Variants in GYPE observed in about 807,000 individuals in gnomAD.
GYPE encodes the protein glycophorin-E.
GYPE carries 8 observed loss-of-function variants against 11.6 expected under a neutral mutation model. The observed-to-expected ratio is 0.69, with a 90% CI of 0.41 to 1.25. The LOEUF is 1.25. Ranked by LOEUF, GYPE falls within the 50% of genes most tolerant of loss-of-function variation. The pLI is 0.01. For missense variants in GYPE, 90 were observed against 92.8 expected, an observed-to-expected ratio of 0.97 and a Z score of 0.12; for synonymous variants, 28 against 29.6, an observed-to-expected ratio of 0.94 and a Z score of 0.18.
chr4:143,895,258 C>T (rs1381414717), intron 1 of GYPE, among the ~76,000 whole-genome samples: 3 of 152,180 alleles, frequency 2.0e-5, no homozygotes, highest in African/African-American at 7.2e-5. Context: ...TAGAAAACCC[C>T]ATTGTCTTGG....
At chr4:143,874,471 A>G (rs113536400) in intron 3 of GYPE, among the ~76,000 whole-genome samples, 2 of 152,208 alleles carry the variant, frequency 1.3e-5, no homozygotes, top group African/African-American at 4.8e-5. Context: ...AGTCACCTTG[A>G]GAGGTAATAA....
chr4:143,894,272 G>A (rs1744534904), intron 1 of GYPE, among the ~76,000 whole-genome samples: 2 of 151,926 alleles, frequency 1.3e-5, no homozygotes, highest in South Asian at 4.2e-4. Context: ...CCTGTAGCTT[G>A]GAGTAGTTTG....
chr4:143,877,190 G>GAA (rs1233775187), intron 2 of GYPE, among the ~76,000 whole-genome samples: 2 of 152,090 alleles, frequency 1.3e-5, no homozygotes, highest in Non-Finnish European at 2.9e-5. Flanking sequence ...CAGATATGGG[G>GAA]AAAAAACCAC....
intron 1 of GYPE, among the ~76,000 whole-genome samples, chr4:143,897,041 A>T (rs1247958672): frequency 6.6e-6 from 1 of 152,126 alleles, no homozygotes; most frequent in Admixed American, 6.5e-5. Flanking sequence ...TAGCATTAAG[A>T]GATATACCTA....
chr4:143,885,321 TA>T (rs776394358), intron 1 of GYPE, among the ~76,000 whole-genome samples: 1 of 152,186 alleles, frequency 6.6e-6, no homozygotes, highest in Admixed American at 6.5e-5. Context: ...AACTGTTTTA[TA>T]AAAATGAAAA....
intron 1 of GYPE, among the ~76,000 whole-genome samples, chr4:143,894,613 C>T (rs1744553763): frequency 6.6e-6 from 1 of 152,080 alleles, no homozygotes. Flanking sequence ...GAAACTATTC[C>T]AATCAATAGA....
intron 1 of GYPE, among the ~76,000 whole-genome samples, chr4:143,901,273 C>A (rs996431998): frequency 1.4e-4 from 22 of 152,220 alleles, no homozygotes; most frequent in African/African-American, 5.3e-4. Context: ...ATTGTATAGT[C>A]ATAGTCTATG....
Position 143,892,566 on chromosome 4 carries a change from T to A in GYPE, c.38-12057A>T, listed in dbSNP as rs1012316145. 9.9e-5 allele frequency among the ~76,000 whole-genome samples: 15 copies of A among 151,990 alleles called. No homozygotes were observed. In the East Asian group the frequency reaches 2.9e-3, roughly 29 times the overall value. On this transcript the variant is annotated intron_variant, in intron 1 of 3. Transcript: ENST00000358615. ...TTATTTCTGCCTTCATTTCGTTATG[T>A]ACCCAGTAGTCATTCAGGAGCAGGT... is the stretch of plus-strand genomic sequence containing the variant.
intron 1 of GYPE, among the ~76,000 whole-genome samples, chr4:143,894,154 A>G (rs12648963): frequency 0.93 from 140,859 of 151,728 alleles, 66,324 homozygotes; most frequent in East Asian, 1. Context: ...TTGGCTTTCA[A>G]CTCCATCAGC....
In GYPE at chr4:143,893,732, C is replaced by T. The variant is rs191686599; in HGVS notation, c.37+11739G>A. On this transcript the variant is annotated intron_variant, in intron 1 of 3. Transcript: ENST00000358615. ...TGGGTAACCCGACCTGTCTCTCTGG[C>T]TGCCCTTAGCATTTTTTCCTTCATT... 4.5e-3 allele frequency among the ~76,000 whole-genome samples: 683 copies of T among 152,222 alleles called. 7 individuals are homozygous for T. The highest frequency in any genetic ancestry group is 0.015 in the African/African-American group (639 of 41,520).
intron 2 of GYPE, 50 bp from the exon 3 acceptor site, chr4:143,876,905 A>G (rs1192433688): frequency 1.0e-6 from 1 of 992,842 alleles, no homozygotes; most frequent in East Asian, 2.4e-5. Context: ...GAAATAAATG[A>G]CCACATCCAA....
At chr4:143,903,806 A>T (rs1478385217) in intron 1 of GYPE, among the ~76,000 whole-genome samples, 226 of 1,376 alleles carry the variant, frequency 0.16, 1 homozygote, top group Non-Finnish European at 0.5. Flanking sequence ...TGTAGAAATT[A>T]AAAAAAAAAA....
At chr4:143,890,784 G>T (rs931081952) in intron 1 of GYPE, among the ~76,000 whole-genome samples, 2 of 152,072 alleles carry the variant, frequency 1.3e-5, no homozygotes, top group African/African-American at 4.8e-5. Flanking sequence ...CATCTTAAAT[G>T]TTGGTGTTTC....
At chr4:143,893,887 A>T (rs1013582268) in intron 1 of GYPE, among the ~76,000 whole-genome samples, 1 of 152,150 alleles carries the variant, frequency 6.6e-6, no homozygotes, top group Admixed American at 6.5e-5. Flanking sequence ...GTTCTCCTGG[A>T]TAATATCCTG....
At chr4:143,903,835 C>T (rs1193537192) in intron 1 of GYPE, among the ~76,000 whole-genome samples, 1 of 151,988 alleles carries the variant, frequency 6.6e-6, no homozygotes, top group African/African-American at 2.4e-5. Context: ...TTGCCAGGAA[C>T]CCTTTCCAAA....
chr4:143,901,961 T>C (rs1180587220), intron 1 of GYPE, among the ~76,000 whole-genome samples: 1 of 152,124 alleles, frequency 6.6e-6, no homozygotes, highest in African/African-American at 2.4e-5. Flanking sequence ...AAGATATCTA[T>C]AGATTTGGCA....
At chr4:143,872,622 A>C (rs140522717) in intron 3 of GYPE, among the ~76,000 whole-genome samples, 1,889 of 152,222 alleles carry the variant, frequency 0.012, 42 homozygotes, top group African/African-American at 0.04. Flanking sequence ...ATGAAATTTT[A>C]CTGAGTTTTC....
intron 1 of GYPE, among the ~76,000 whole-genome samples, chr4:143,902,603 C>G (rs1489003921): frequency 6.6e-6 from 1 of 151,792 alleles, no homozygotes; most frequent in African/African-American, 2.4e-5. Flanking sequence ...CTTCCTTTTT[C>G]CTTTTCCTTC....
At chr4:143,873,409 A>C (rs764984931) in intron 3 of GYPE, 4 of 455,452 alleles carry the variant, frequency 8.8e-6, no homozygotes, top group South Asian at 6.2e-5. Flanking sequence ...ATCCAGTTGA[A>C]TAATAAAGGT....
Sources: allele counts gnomAD v4.1 joint callset (sites outside exome capture counted in the v4.1 genomes callset), GRCh38; gene constraint gnomAD v4.1.1; transcripts MANE v1.5; gene names NCBI Gene and HGNC (gene_info 2026-07-23, HGNC 2026-07-21).